AOPEP: variants seen among roughly 807,000 people sequenced by gnomAD.
The protein encoded by AOPEP is aminopeptidase O (putative).
A neutral mutation model predicts 98.1 loss-of-function variants in AOPEP; 77 were observed. The observed-to-expected ratio is 0.78, with a 90% confidence interval of 0.65 to 0.95. The LOEUF is 0.95. Among genes scored for constraint, AOPEP ranks in the 40% least tolerant of loss-of-function variants. The pLI is 0.00. For missense variants in AOPEP, 1,024 were observed against 1,024.7 expected, an observed-to-expected ratio of 1.00 and a Z score of 0.01; for synonymous variants, 346 against 365.3, an observed-to-expected ratio of 0.95 and a Z score of 0.60.
Position 94,800,800 on chromosome 9 carries a change from C to T in AOPEP, c.1162C>T (p.Gln388Ter). 2 of 1,614,192 alleles carry T rather than the reference C, an allele frequency of 1.2e-6. No individual in the cohort carries two copies. Among genetic ancestry groups the T allele is most frequent in the Non-Finnish European group, 1.7e-6 (2 of 1,180,006 alleles). ...CSHMEYPCRFQNASATTQEII... is the reference protein window; with the variant it reads ...CSHMEYPCRF ...TCACATGGAATACCCCTGCCGCTTC[C>T]AGAATGCTTCTGCCACCACCCAGGA... Residue 388 changes from glutamine to a stop codon, truncating the protein, a stop_gained, in exon 5 of 17, where the codon CAG becomes TAG. Coordinates refer to ENST00000375315, the MANE Select transcript of AOPEP (RefSeq NM_001193329.3). LOFTEE classifies it high-confidence loss of function.
intron 5 of AOPEP, among the ~76,000 whole-genome samples, chr9:94,893,760 G>A (rs1172647821): frequency 6.6e-6 from 1 of 152,070 alleles, no homozygotes; most frequent in Non-Finnish European, 1.5e-5. Flanking sequence ...GAACAAGACA[G>A]GTCTCTTTCT....
At chr9:95,106,669 G>A in the AOPEP span, among the ~76,000 whole-genome samples, 2 of 152,196 alleles carry the variant, frequency 1.3e-5, no homozygotes, top group Non-Finnish European at 2.9e-5. Flanking sequence ...TCTTTGCACT[G>A]TTGCAGTGAA....
chr9:95,048,823 C>T (rs778239093), intron 13 of AOPEP: 6 of 152,180 alleles, frequency 3.9e-5, no homozygotes, highest in Non-Finnish European at 5.9e-5. Context: ...ATTTACCAGG[C>T]CTTCAAATCA....
At chr9:94,986,087 A>AT (rs1446075787) in intron 11 of AOPEP, among the ~76,000 whole-genome samples, 6 of 152,128 alleles carry the variant, frequency 3.9e-5, no homozygotes, top group African/African-American at 1.4e-4. Flanking sequence ...AACAACAGAG[A>AT]TTTTTTTCCT....
intron 7 of AOPEP, among the ~76,000 whole-genome samples, chr9:94,931,182 C>T (rs1240337352): frequency 1.3e-5 from 2 of 152,040 alleles, no homozygotes; most frequent in Non-Finnish European, 2.9e-5. Flanking sequence ...CTCTGGCTTC[C>T]CTGGAGCCTG....
chr9:95,109,474 A>G, the AOPEP span: 1 of 151,556 alleles, frequency 6.6e-6, no homozygotes, highest in Admixed American at 6.6e-5. Flanking sequence ...TTCTCTAGGC[A>G]TCATTGTACC....
intron 13 of AOPEP, among the ~76,000 whole-genome samples, chr9:95,011,874 T>C (rs779721648): frequency 8.5e-5 from 13 of 152,200 alleles, no homozygotes; most frequent in Non-Finnish European, 1.9e-4. Flanking sequence ...GTGTACAAAA[T>C]TCCTTCCCGT....
intron 5 of AOPEP, among the ~76,000 whole-genome samples, chr9:94,880,881 A>G (rs1258931519): frequency 6.6e-6 from 1 of 152,172 alleles, no homozygotes; most frequent in African/African-American, 2.4e-5. Flanking sequence ...AGACTTTGGC[A>G]TAGGACCCAC....
At chr9:94,818,047 A>G (rs1366274746) in intron 5 of AOPEP, among the ~76,000 whole-genome samples, 2 of 152,140 alleles carry the variant, frequency 1.3e-5, no homozygotes, top group Non-Finnish European at 2.9e-5. Flanking sequence ...ATGGTGCCTC[A>G]GACCTGCCAC....
At chr9:94,767,614 A>G (rs1202121379) in intron 2 of AOPEP, among the ~76,000 whole-genome samples, 1 of 152,200 alleles carries the variant, frequency 6.6e-6, no homozygotes, top group African/African-American at 2.4e-5. Context: ...GAGCATCTCC[A>G]GATTTTTTCC....
At position 94,957,312 on chromosome 9, in the gene AOPEP, AT is replaced by A. The variant is rs540532981; in HGVS notation, c.1872+1299del. Among the ~76,000 whole-genome samples, 11 of 152,136 alleles carry A rather than the reference AT, an allele frequency of 7.2e-5. No individual in the cohort carries two copies. The South Asian group carries it at 8.3e-4, about 11-fold the overall frequency. Reference sequence around the variant, plus strand: ...AACCTCCACCTCCCAGATTCAAGTGATTCTCCCGCCTCAGCCTCCCGAGTAG... The same window carrying A: ...AACCTCCACCTCCCAGATTCAAGTGATCTCCCGCCTCAGCCTCCCGAGTAG... On this transcript the variant is annotated intron_variant, in intron 9 of 16. Transcript: ENST00000375315.
chr9:94,960,218 TG>T, intron 9 of AOPEP, among the ~76,000 whole-genome samples: 1 of 152,104 alleles, frequency 6.6e-6, no homozygotes, highest in Non-Finnish European at 1.5e-5. Context: ...GAGACCAGCC[TG>T]GCTAACATGG....
At chr9:94,804,957 C>T (rs967180294) in intron 5 of AOPEP, among the ~76,000 whole-genome samples, 4 of 152,108 alleles carry the variant, frequency 2.6e-5, no homozygotes, top group Non-Finnish European at 5.9e-5. Context: ...AAAAGCACTC[C>T]GGTCCACAGG....
At chr9:94,880,428 G>A (rs934583387) in intron 5 of AOPEP, among the ~76,000 whole-genome samples, 2 of 142,068 alleles carry the variant, frequency 1.4e-5, no homozygotes, top group Non-Finnish European at 1.5e-5. Flanking sequence ...GTGCCATGGC[G>A]TGACCATGGC....
intron 5 of AOPEP, among the ~76,000 whole-genome samples, chr9:94,885,571 C>A (rs1375794153): frequency 6.6e-6 from 1 of 152,040 alleles, no homozygotes; most frequent in Non-Finnish European, 1.5e-5. Flanking sequence ...CTAGAACTCA[C>A]ATGGCCACAG....
chr9:95,050,012 A>G (rs2066204107), intron 13 of AOPEP, among the ~76,000 whole-genome samples: 1 of 152,222 alleles, frequency 6.6e-6, no homozygotes, highest in Non-Finnish European at 1.5e-5. Flanking sequence ...CTCACAGTAG[A>G]ACTAAGATTA....
chr9:95,100,047 C>G, the AOPEP span: 2 of 232,282 alleles, frequency 8.6e-6, no homozygotes, highest in Non-Finnish European at 1.7e-5. Flanking sequence ...ACAGAGGAGT[C>G]ACAGCTTCCA....
intron 13 of AOPEP, among the ~76,000 whole-genome samples, chr9:95,029,798 T>C (rs988979392): frequency 6.6e-6 from 1 of 152,242 alleles, no homozygotes; most frequent in Admixed American, 6.5e-5. Flanking sequence ...TCTGTTAATA[T>C]GAAATCCAGG....
chr9:94,991,354 G>A (rs188949011), intron 11 of AOPEP, among the ~76,000 whole-genome samples: 1 of 152,276 alleles, frequency 6.6e-6, no homozygotes, highest in African/African-American at 2.4e-5. Flanking sequence ...GTTTTTTCTG[G>A]TATTGTGCAA....
Sources: gnomAD v4.1 joint callset for allele counts (sites outside exome capture counted in the v4.1 genomes callset) on GRCh38, gnomAD v4.1.1 for gene constraint, MANE v1.5 for transcripts, NCBI Gene and HGNC (gene_info 2026-07-23, HGNC 2026-07-21) for gene names.